Variants in HDX observed in about 807,000 individuals in gnomAD.
HDX encodes highly divergent homeobox.
A neutral mutation model predicts 45.2 loss-of-function variants in HDX; 19 were observed. The observed-to-expected ratio is 0.42, with a 90% CI of 0.29 to 0.62. The LOEUF (loss-of-function observed/expected upper bound fraction) is 0.62, where lower values mean the gene tolerates loss of function less well. Ranked by LOEUF, HDX falls within the 20% of genes least tolerant of loss-of-function variation. The pLI, the probability that HDX is intolerant of heterozygous loss-of-function variation, is 0.20. For missense variants in HDX, 532 were observed against 493.9 expected (o/e 1.08, Z -0.73); for synonymous variants, 188 against 172.8 (o/e 1.09, Z -0.69).
intron 2 of HDX, among the ~76,000 whole-genome samples, chrX:84,478,859 TAAATAAATAAGC>T (rs2040610676): frequency 9.0e-6 from 1 of 111,183 alleles, no homozygotes; most frequent in Admixed American, 9.6e-5. Context: ...ACCCTGTCTC[TAAATAAATAAGC>T]AAATAAATAG....
At chrX:84,339,581 A>T (rs1289446323) in intron 7 of HDX, among the ~76,000 whole-genome samples, 5 of 111,884 alleles carry the variant, frequency 4.5e-5, no homozygotes, top group African/African-American at 1.6e-4. Flanking sequence ...TCTTTCGCTT[A>T]CAGAAGCTTC....
intron 7 of HDX, among the ~76,000 whole-genome samples, chrX:84,339,261 A>G (rs1172038356): frequency 1.8e-5 from 2 of 111,559 alleles, no homozygotes; most frequent in Non-Finnish European, 1.9e-5. Context: ...GACATTTCAA[A>G]TCACAGACAT....
At chrX:84,366,714 CA>C (rs2037763843) in intron 5 of HDX, among the ~76,000 whole-genome samples, 2 of 111,165 alleles carry the variant, frequency 1.8e-5, no homozygotes, top group African/African-American at 6.6e-5. Flanking sequence ...ACAAACTTGA[CA>C]AAAACAAGCA....
chrX:84,424,205 T>C (rs1373803691), intron 5 of HDX, among the ~76,000 whole-genome samples: 1 of 110,946 alleles, frequency 9.0e-6, no homozygotes, highest in Non-Finnish European at 1.9e-5. Flanking sequence ...ATAAAAGTGA[T>C]CCAATTTATA....
chrX:84,368,300 C>A (rs769163920), intron 5 of HDX, among the ~76,000 whole-genome samples: 1 of 111,885 alleles, frequency 8.9e-6, no homozygotes, highest in South Asian at 3.7e-4. Flanking sequence ...CTGTACTAAA[C>A]ATGTGTTAAA....
intron 2 of HDX, among the ~76,000 whole-genome samples, chrX:84,487,230 C>T (rs1007984757): frequency 3.6e-5 from 4 of 112,214 alleles, no homozygotes; most frequent in African/African-American, 1.3e-4. Context: ...TCACAGCTTA[C>T]TCTTTTTCAA....
Position 84,356,783 on chromosome X carries a change from T to C in HDX, c.1452+4683A>G, listed in dbSNP as rs774625409. On this transcript the variant is annotated intron_variant, in intron 6 of 10. Coordinates refer to ENST00000373177, the MANE Select transcript of HDX (RefSeq NM_001177479.2). ...GACTATAGGCGCCCGCCACCACGCCTGGCTAATTTTTTGTATTTTTAGTAG... is the reference window on the plus strand; with the variant it reads ...GACTATAGGCGCCCGCCACCACGCCCGGCTAATTTTTTGTATTTTTAGTAG... Among the ~76,000 whole-genome samples the C allele has an allele frequency of 3.1e-3, 345 of 109,650 alleles. 1 individual carries two copies. The highest frequency in any genetic ancestry group is 0.011 in the African/African-American group (321 of 30,081).
intron 5 of HDX, among the ~76,000 whole-genome samples, chrX:84,372,261 A>G (rs913197530): frequency 7.1e-5 from 8 of 112,029 alleles, no homozygotes; most frequent in Non-Finnish European, 1.3e-4. Context: ...AAGTGCTGTT[A>G]CATTTTAAAA....
chrX:84,499,766 A>C (rs1028272781), intron 1 of HDX, among the ~76,000 whole-genome samples: 2 of 71,536 alleles, frequency 2.8e-5, no homozygotes, highest in Non-Finnish European at 5.3e-5. Flanking sequence ...ATGAAACCAT[A>C]ATCACACTGT....
At chrX:84,493,457 C>A (rs2148202810) in intron 1 of HDX, among the ~76,000 whole-genome samples, 1 of 111,901 alleles carries the variant, frequency 8.9e-6, no homozygotes, top group African/African-American at 3.2e-5. Context: ...TCAGTTTTGC[C>A]AGCTACATAA....
rs767007591 is a variant in HDX at position 84,359,570 on chromosome X, A to G, written c.1452+1896T>C. On this transcript the variant is annotated intron_variant, in intron 6 of 10. Coordinates refer to ENST00000373177, the MANE Select transcript of HDX (RefSeq NM_001177479.2). The stretch of plus-strand genomic sequence containing the variant: ...GTATTCCATGTTGTATATGTATCAC[A>G]TTTTCTTTATCCAGTCTATCACTGA... Among the ~76,000 whole-genome samples, 3 of 111,593 alleles carry G rather than the reference A, an allele frequency of 2.7e-5. No homozygotes were observed. The East Asian group carries it at 8.4e-4, about 31-fold the overall frequency.
chrX:84,409,863 A>C (rs1015416722), intron 5 of HDX, among the ~76,000 whole-genome samples: 1 of 105,722 alleles, frequency 9.5e-6, no homozygotes, highest in Non-Finnish European at 1.9e-5. Flanking sequence ...CCTAAAACTT[A>C]AAATATAATA....
intron 5 of HDX, among the ~76,000 whole-genome samples, chrX:84,370,771 C>A (rs866640525): frequency 8.9e-6 from 1 of 112,275 alleles, no homozygotes; most frequent in Admixed American, 9.5e-5. Context: ...AGAAGTGGAA[C>A]AAGACCCCCT....
At chrX:84,398,642 T>C (rs1242631165) in intron 5 of HDX, among the ~76,000 whole-genome samples, 1 of 111,671 alleles carries the variant, frequency 9.0e-6, no homozygotes, top group Non-Finnish European at 1.9e-5. Context: ...CACCCTACTG[T>C]CAATATTAGA....
At chrX:84,493,512 T>G (rs751648954) in intron 1 of HDX, among the ~76,000 whole-genome samples, 4 of 112,059 alleles carry the variant, frequency 3.6e-5, no homozygotes, top group Non-Finnish European at 7.5e-5. Context: ...GAAAATTTTA[T>G]GTACACATAC....
intron 5 of HDX, among the ~76,000 whole-genome samples, chrX:84,379,110 CAATT>C (rs2038125441): frequency 9.1e-6 from 1 of 109,302 alleles, no homozygotes. Context: ...GAGGATGTAA[CAATT>C]ATATATATAA....
At chrX:84,448,284 TCCCAAGGACTCA>T (rs2039917999) in intron 4 of HDX, among the ~76,000 whole-genome samples, 1 of 109,984 alleles carries the variant, frequency 9.1e-6, no homozygotes, top group Non-Finnish European at 1.9e-5. Context: ...CTGCTCAGGG[TCCCAAGGACTCA>T]CCCACCCATC....
chrX:84,451,175 TATCAG>T (rs1305836399), intron 4 of HDX, among the ~76,000 whole-genome samples: 2 of 110,603 alleles, frequency 1.8e-5, no homozygotes, highest in African/African-American at 6.5e-5. Context: ...GAATAATAAA[TATCAG>T]AGCAGAACTA....
rs941188488 is a variant in HDX, at chrX:84,387,282, C to G, written c.1306-25670G>C. Among the ~76,000 whole-genome samples, 5 of 111,604 alleles carry G rather than the reference C, an allele frequency of 4.5e-5. No homozygotes were observed. In the East Asian group the frequency reaches 8.4e-4, roughly 19 times the overall value. On this transcript the variant is annotated intron_variant, in intron 5 of 10. Coordinates refer to ENST00000373177, the MANE Select transcript of HDX (RefSeq NM_001177479.2). ...CATGTGGTCAACCTTTGAATATGTT[C>G]TGTGTGCAGGTGAGAAGAATGTATA...
Sources: gnomAD v4.1 joint callset for allele counts (sites outside exome capture counted in the v4.1 genomes callset) on GRCh38, gnomAD v4.1.1 for gene constraint, MANE v1.5 for transcripts, NCBI Gene and HGNC (gene_info 2026-07-23, HGNC 2026-07-21) for gene names.